FAM110B: variants seen among roughly 807,000 people sequenced by gnomAD.
FAM110B encodes family with sequence similarity 110 member B.
FAM110B carries 6 observed loss-of-function variants against 20.4 expected under a neutral mutation model. The observed-to-expected ratio is 0.29, with a 90% CI of 0.16 to 0.58. FAM110B has a LOEUF of 0.58. Ranked by LOEUF, FAM110B falls within the 20% of genes least tolerant of loss-of-function variation. FAM110B has a pLI of 0.90. For synonymous variants in FAM110B, 226 were observed against 214.1 expected, an observed-to-expected ratio of 1.06 and a Z score of -0.49; for missense variants, 434 against 498.2, an observed-to-expected ratio of 0.87 and a Z score of 1.23.
intron 2 of FAM110B, among the ~76,000 whole-genome samples, chr8:58,070,725 A>T (rs1805879139): frequency 6.6e-6 from 1 of 152,196 alleles, no homozygotes; most frequent in Admixed American, 6.5e-5. Context: ...GTTTGCATTG[A>T]GTCCACACTG....
At chr8:58,074,336 GCCACACAGTGT>G (rs1805979751) in intron 2 of FAM110B, among the ~76,000 whole-genome samples, 1 of 151,796 alleles carries the variant, frequency 6.6e-6, no homozygotes, top group Non-Finnish European at 1.5e-5. Flanking sequence ...CCCGTCCATT[GCCACACAGTGT>G]CCACCAATCC....
chr8:58,006,240 C>T (rs964029123), intron 1 of FAM110B, among the ~76,000 whole-genome samples: 8 of 152,176 alleles, frequency 5.3e-5, no homozygotes, highest in African/African-American at 1.9e-4. Context: ...TGAGCAGTTG[C>T]ATATAACTAA....
intron 3 of FAM110B, among the ~76,000 whole-genome samples, chr8:58,096,387 A>G (rs1806628925): frequency 6.6e-6 from 1 of 152,114 alleles, no homozygotes; most frequent in Non-Finnish European, 1.5e-5. Context: ...TGTGTTGGCC[A>G]GGCTGGTCTT....
In FAM110B at chr8:58,146,234, C is replaced by A. The variant is rs781193280; in HGVS notation, c.4C>A (p.Pro2Thr). The A allele has an allele frequency of 1.3e-6, 2 of 1,590,818 alleles. No individual in the cohort carries two copies. The highest frequency in any genetic ancestry group is 1.7e-6 in the Non-Finnish European group (2 of 1,165,310). Reference protein sequence around the residue: MPTETLQTGSMV... With the variant: MTTETLQTGSMV... ...TGCCGGGGAAAGACCGCCCACCATG[C>A]CCACGGAGACCCTACAGACAGGTAG... The change falls in exon 4 of 4, where the codon CCC becomes ACC. Residue 2 changes from proline to threonine, a missense_variant. This residue lies in a region of FAM110B where 56 missense variants were observed against 82.1 expected (regional missense o/e 0.68). Coordinates refer to ENST00000519262, the MANE Select transcript of FAM110B (RefSeq NM_001377989.1).
intron 3 of FAM110B, among the ~76,000 whole-genome samples, chr8:58,129,797 T>G (rs1803405919): frequency 6.6e-6 from 1 of 152,206 alleles, no homozygotes. Context: ...GCTCCTTCTT[T>G]CTTCCGCTCT....
At chr8:58,142,810 T>G (rs2150643951) in intron 3 of FAM110B, among the ~76,000 whole-genome samples, 1 of 152,362 alleles carries the variant, frequency 6.6e-6, no homozygotes, top group South Asian at 2.1e-4. Context: ...CAGGCAAGGC[T>G]ATATAATTAT....
intron 1 of FAM110B, among the ~76,000 whole-genome samples, chr8:58,004,823 C>A (rs113011592): frequency 1.3e-5 from 2 of 152,328 alleles, no homozygotes; most frequent in African/African-American, 4.8e-5. Context: ...CTCTCTCAGC[C>A]TTCATTGAAG....
In FAM110B at chr8:58,020,486, C is replaced by T. The variant is rs962786658; in HGVS notation, c.-511-11120C>T. 2.6e-5 allele frequency among the ~76,000 whole-genome samples: 4 copies of T among 152,178 alleles called. No individual in the cohort carries two copies. The East Asian group carries it at 7.7e-4, about 29-fold the overall frequency. On this transcript the variant is annotated intron_variant, in intron 1 of 3. Transcript: ENST00000519262. ...AGATAAGGCTAAAGAGCTGTATATT[C>T]AGATTCCTGAACATTTAGTTAAGGT... is the stretch of plus-strand genomic sequence containing the variant.
intron 1 of FAM110B, among the ~76,000 whole-genome samples, chr8:58,020,536 G>C (rs1804730159): frequency 6.6e-6 from 1 of 152,180 alleles, no homozygotes; most frequent in Non-Finnish European, 1.5e-5. Flanking sequence ...TAATTAGGTT[G>C]AGTTCACCTA....
intron 3 of FAM110B, among the ~76,000 whole-genome samples, chr8:58,129,394 T>C (rs1331388033): frequency 4.6e-5 from 7 of 152,202 alleles, no homozygotes; most frequent in Admixed American, 3.3e-4. Flanking sequence ...TACATGCAAA[T>C]ATAACATGAC....
intron 3 of FAM110B, among the ~76,000 whole-genome samples, chr8:58,112,580 G>T (rs1488726016): frequency 8.5e-5 from 13 of 152,192 alleles, no homozygotes; most frequent in Admixed American, 8.5e-4. Flanking sequence ...GTGCAAGATG[G>T]TGCTGAGGGT....
At chr8:58,135,074 CTG>C (rs1357982673) in intron 3 of FAM110B, among the ~76,000 whole-genome samples, 1 of 152,170 alleles carries the variant, frequency 6.6e-6, no homozygotes, top group African/African-American at 2.4e-5. Flanking sequence ...TGAAACAACA[CTG>C]TGATAAGGTG....
intron 1 of FAM110B, among the ~76,000 whole-genome samples, chr8:58,014,812 T>TACG (rs1554569602): frequency 6.6e-6 from 1 of 151,994 alleles, no homozygotes; most frequent in African/African-American, 2.4e-5. Flanking sequence ...GCAAACCTAT[T>TACG]ATCTTTATTT....
At chr8:58,126,595 C>T (rs756929748) in intron 3 of FAM110B, among the ~76,000 whole-genome samples, 1 of 152,024 alleles carries the variant, frequency 6.6e-6, no homozygotes, top group Admixed American at 6.5e-5. Context: ...TTTTTTTAAT[C>T]TTACTTGTTC....
intron 3 of FAM110B, among the ~76,000 whole-genome samples, chr8:58,102,944 C>G (rs12156321): frequency 6.9e-6 from 1 of 144,388 alleles, no homozygotes; most frequent in East Asian, 2.1e-4. Flanking sequence ...ATTAGACTTA[C>G]GCTTTAGAAA....
At chr8:58,019,203 T>C (rs1187609656) in intron 1 of FAM110B, among the ~76,000 whole-genome samples, 1 of 151,370 alleles carries the variant, frequency 6.6e-6, no homozygotes, top group African/African-American at 2.4e-5. Context: ...CTGGGTGTGG[T>C]GGCACATGCC....
rs56031012 is a variant in FAM110B at position 58,047,591 on chromosome 8, CCTCTCTCT to C, written c.-414+15925_-414+15932del. Reference sequence around the variant, plus strand: ...CAAATTGTAATTAATCTTCCTTTTTCCTCTCTCTCTCTCTCTCTCTCTCTCTCTCTCTC... The same window carrying C: ...CAAATTGTAATTAATCTTCCTTTTTCCTCTCTCTCTCTCTCTCTCTCTCTC... On this transcript the variant is annotated intron_variant, in intron 2 of 3. Coordinates refer to ENST00000519262, the MANE Select transcript of FAM110B (RefSeq NM_001377989.1). 3.6e-3 allele frequency among the ~76,000 whole-genome samples: 269 copies of C among 74,744 alleles called. 1 individual carries two copies. The highest frequency in any genetic ancestry group is 6.5e-3 in the African/African-American group (158 of 24,230). 49.0% of individuals were successfully genotyped at this position (74,744 alleles called of 152,430 possible). A position where few individuals can be genotyped will look rare whatever the true frequency, so the allele number is the denominator to read the frequency against.
At chr8:58,141,386 C>G (rs1410045846) in intron 3 of FAM110B, among the ~76,000 whole-genome samples, 1 of 152,202 alleles carries the variant, frequency 6.6e-6, no homozygotes, top group Non-Finnish European at 1.5e-5. Flanking sequence ...TTTTTCAGCT[C>G]ACCAGATTGA....
intron 3 of FAM110B, among the ~76,000 whole-genome samples, chr8:58,127,222 G>C (rs1279209805): frequency 6.6e-6 from 1 of 152,134 alleles, no homozygotes; most frequent in Non-Finnish European, 1.5e-5. Context: ...CTTGTGTGGG[G>C]CTCTTTCTGG....
Sources: gnomAD v4.1 joint callset for allele counts (sites outside exome capture counted in the v4.1 genomes callset) on GRCh38, gnomAD v4.1.1 for gene constraint, gnomAD v4.1.1 regional missense constraint, MANE v1.5 for transcripts, NCBI Gene and HGNC (gene_info 2026-07-23, HGNC 2026-07-21) for gene names.